Variants in AFG2A observed in about 807,000 individuals in gnomAD.
The protein encoded by AFG2A is AAA ATPase AFG2A.
the AFG2A span, among the ~76,000 whole-genome samples, chr4:123,182,765 C>T: frequency 5.3e-5 from 8 of 152,138 alleles, no homozygotes; most frequent in Admixed American, 4.6e-4. Context: ...CTTGACCCTT[C>T]TTCCCTCAGT....
At chr4:123,196,979 G>A in the AFG2A span, among the ~76,000 whole-genome samples, 1 of 152,098 alleles carries the variant, frequency 6.6e-6, no homozygotes, top group Admixed American at 6.6e-5. Context: ...ATTAACAGTG[G>A]CACTTGTTTT....
the AFG2A span, among the ~76,000 whole-genome samples, chr4:123,140,996 C>T: frequency 2.6e-5 from 4 of 152,044 alleles, no homozygotes; most frequent in Non-Finnish European, 5.9e-5. Context: ...GAGATGACAT[C>T]TAGAATATAA....
the AFG2A span, among the ~76,000 whole-genome samples, chr4:122,947,893 TGG>T: frequency 6.6e-6 from 1 of 152,204 alleles, no homozygotes; most frequent in Non-Finnish European, 1.5e-5. Context: ...TTGAACTGCA[TGG>T]GTCCACTTAT....
the AFG2A span, among the ~76,000 whole-genome samples, chr4:123,310,348 T>G: frequency 2.0e-5 from 3 of 152,210 alleles, no homozygotes; most frequent in East Asian, 5.8e-4. Context: ...GTAGAATTAT[T>G]CTTTTAAAAA....
At chr4:123,224,561 T>C in the AFG2A span, among the ~76,000 whole-genome samples, 4 of 152,252 alleles carry the variant, frequency 2.6e-5, no homozygotes, top group African/African-American at 9.6e-5. Context: ...TATGGCTACA[T>C]AGTATTCCAT....
the AFG2A span, among the ~76,000 whole-genome samples, chr4:123,261,030 G>A: frequency 7.2e-5 from 11 of 152,282 alleles, no homozygotes; most frequent in East Asian, 2.1e-3. Context: ...AGGGATCTAG[G>A]TTGTGTGCTC....
At chr4:122,998,090 T>C in the AFG2A span, among the ~76,000 whole-genome samples, 1 of 152,286 alleles carries the variant, frequency 6.6e-6, no homozygotes, top group South Asian at 2.1e-4. Context: ...TTCCAGTTAG[T>C]TGTCTCTTTC....
chr4:122,969,449 A>G, the AFG2A span, among the ~76,000 whole-genome samples: 1 of 152,294 alleles, frequency 6.6e-6, no homozygotes, highest in East Asian at 1.9e-4. Context: ...CTTGTCCACA[A>G]TACTGAAATG....
the AFG2A span, chr4:123,256,852 A>G: frequency 0.038 from 37,203 of 982,606 alleles, 780 homozygotes; most frequent in African/African-American, 0.053. Context: ...ATTTTTATTT[A>G]CCAAATAAAA....
chr4:123,184,022 C>T, the AFG2A span, among the ~76,000 whole-genome samples: 2 of 152,144 alleles, frequency 1.3e-5, no homozygotes, highest in South Asian at 2.1e-4. Context: ...TCTTGAACTC[C>T]TGGGCTCAAG....
chr4:123,271,348 T>C, the AFG2A span, among the ~76,000 whole-genome samples: 7 of 152,238 alleles, frequency 4.6e-5, no homozygotes, highest in Non-Finnish European at 1.0e-4. Context: ...TTTGCCATCT[T>C]CTGGTTCTTT....
At chr4:122,943,914 T>C in the AFG2A span, among the ~76,000 whole-genome samples, 1 of 151,970 alleles carries the variant, frequency 6.6e-6, no homozygotes, top group Non-Finnish European at 1.5e-5. Context: ...TGGCTGGATA[T>C]GAAATTCTGG....
chr4:122,951,546 A>C, the AFG2A span, among the ~76,000 whole-genome samples: 2 of 152,250 alleles, frequency 1.3e-5, no homozygotes, highest in South Asian at 4.1e-4. Context: ...GAAATCAGGG[A>C]GAAATGTGTA....
chr4:122,938,866 A>G, the AFG2A span, among the ~76,000 whole-genome samples: 1 of 151,844 alleles, frequency 6.6e-6, no homozygotes, highest in African/African-American at 2.4e-5. Context: ...AAGTGCTGGG[A>G]TTATAGGTGT....
chr4:123,033,374 G>T, the AFG2A span, among the ~76,000 whole-genome samples: 1 of 151,898 alleles, frequency 6.6e-6, no homozygotes, highest in Non-Finnish European at 1.5e-5. Flanking sequence ...TAGAACTAGT[G>T]TCCAATGGCT....
At chr4:122,944,357 A>C in the AFG2A span, among the ~76,000 whole-genome samples, 1,763 of 151,566 alleles carry the variant, frequency 0.012, 50 homozygotes, top group South Asian at 0.11. Context: ...TTTTCTCTAA[A>C]CTTCCCTTCT....
the AFG2A span, among the ~76,000 whole-genome samples, chr4:123,174,802 A>G: frequency 1.4e-5 from 2 of 145,294 alleles, no homozygotes; most frequent in African/African-American, 4.9e-5. Flanking sequence ...GTAAGAGAAT[A>G]TTTTTCTGAT....
the AFG2A span, chr4:123,028,413 T>G: frequency 6.2e-7 from 1 of 1,608,854 alleles, no homozygotes; most frequent in South Asian, 1.1e-5. Context: ...GTTAAATTTT[T>G]TAATCGCTAC....
the AFG2A span, among the ~76,000 whole-genome samples, chr4:123,135,116 A>G: frequency 6.6e-6 from 1 of 152,220 alleles, no homozygotes; most frequent in African/African-American, 2.4e-5. Context: ...AAGCAAATCA[A>G]TAAATGTGAC....
Sources: allele counts gnomAD v4.1 joint callset (sites outside exome capture counted in the v4.1 genomes callset), GRCh38; gene constraint gnomAD v4.1.1; transcripts MANE v1.5; gene names NCBI Gene and HGNC (gene_info 2026-07-23, HGNC 2026-07-21).